Variants in KMT2C observed in about 807,000 individuals in gnomAD.
The protein encoded by KMT2C is lysine methyltransferase 2C, also known as histone-lysine N-methyltransferase 2C.
A neutral mutation model predicts 507.9 loss-of-function variants in KMT2C; 88 were observed. That is an observed-to-expected ratio of 0.17 (90% confidence interval 0.15 to 0.21). KMT2C has a LOEUF of 0.21. KMT2C is among the 10% of genes least tolerant of loss of function. The pLI, the probability that KMT2C is intolerant of heterozygous loss-of-function variation, is 1.00. For synonymous variants in KMT2C, 2,049 were observed against 2,080.8 expected (o/e 0.98, Z 0.42); for missense variants, 4,954 against 5,957.8 (o/e 0.83, Z 5.55).
At chr7:152,329,626 G>C (rs2096861441) in intron 3 of KMT2C, among the ~76,000 whole-genome samples, 1 of 146,790 alleles carries the variant, frequency 6.8e-6, no homozygotes, top group African/African-American at 2.5e-5. Context: ...AAAGGAAGTA[G>C]AAGGGAAACG....
rs78116609 is a variant in KMT2C at position 152,177,073 on chromosome 7, G to A, written c.8380C>T (p.Pro2794Ser). The change falls in exon 38 of 59, where the codon CCA becomes TCA. Residue 2794 changes from proline to serine, a missense_variant. Pro to Ser is a moderately conservative substitution (Grantham distance 74, BLOSUM62 -1). Transcript: ENST00000262189. Reference sequence around the variant, plus strand: ...TTGTTTTCTTGTTCCTTTTTTTTTGGTTCAACAGATACACACTGATTATCT... The same window carrying A: ...TTGTTTTCTTGTTCCTTTTTTTTTGATTCAACAGATACACACTGATTATCT... ...KLDNQCVSVEPKKKEQENKTL... is the reference protein window; with the variant it reads ...KLDNQCVSVESKKKEQENKTL... The A allele has an allele frequency of 1.1e-5, 18 of 1,609,594 alleles. No homozygotes were observed. The highest frequency in any genetic ancestry group is 1.7e-5 in the Admixed American group (1 of 59,348).
intron 31 of KMT2C, among the ~76,000 whole-genome samples, chr7:152,190,407 G>C (rs904080848): frequency 2.8e-4 from 42 of 152,152 alleles, no homozygotes; most frequent in African/African-American, 8.7e-4. Flanking sequence ...GCTATTATTT[G>C]TTAAGTACTT....
chr7:152,431,865 T>C (rs543347000), intron 1 of KMT2C, among the ~76,000 whole-genome samples: 1 of 152,344 alleles, frequency 6.6e-6, no homozygotes, highest in African/African-American at 2.4e-5. Context: ...ATAATAGTGC[T>C]GTCTCTCAAC....
chr7:152,171,841 AATTTTCATAC>A (rs1402564664), intron 39 of KMT2C, among the ~76,000 whole-genome samples: 4 of 152,242 alleles, frequency 2.6e-5, no homozygotes, highest in Admixed American at 6.5e-5. Flanking sequence ...CCAATTTAAG[AATTTTCATAC>A]ATTTTCATAC....
At chr7:152,345,019 C>T (rs1486050788) in intron 2 of KMT2C, among the ~76,000 whole-genome samples, 1 of 151,372 alleles carries the variant, frequency 6.6e-6, no homozygotes, top group Admixed American at 6.6e-5. Flanking sequence ...TAAAATGAAA[C>T]CACAAAAAGC....
chr7:152,278,885 A>C (rs2096143865), intron 6 of KMT2C, among the ~76,000 whole-genome samples: 1 of 152,428 alleles, frequency 6.6e-6, no homozygotes, highest in Middle Eastern at 3.4e-3. Context: ...ATTAGACTTT[A>C]ACATAGCTCT....
chr7:152,232,892 C>T (rs1430050500), intron 16 of KMT2C, among the ~76,000 whole-genome samples: 2 of 152,212 alleles, frequency 1.3e-5, no homozygotes, highest in East Asian at 3.9e-4. Flanking sequence ...GATAAAGTAT[C>T]TATTTCTACC....
At chr7:152,142,482 A>T (rs950862510) in intron 55 of KMT2C, among the ~76,000 whole-genome samples, 1 of 152,268 alleles carries the variant, frequency 6.6e-6, no homozygotes, top group Non-Finnish European at 1.5e-5. Flanking sequence ...AAACAGTCTC[A>T]CATGCTGCAG....
intron 2 of KMT2C, among the ~76,000 whole-genome samples, chr7:152,349,626 T>TAGCAAGGAGGGAGGG (rs1452348325): frequency 1.3e-5 from 2 of 151,948 alleles, no homozygotes; most frequent in African/African-American, 4.8e-5. Context: ...TGCCATAGGT[T>TAGCAAGGAGGGAGGG]AGCAAGGAGG....
intron 3 of KMT2C, among the ~76,000 whole-genome samples, chr7:152,318,854 A>C (rs2096746095): frequency 6.6e-6 from 1 of 152,196 alleles, no homozygotes; most frequent in South Asian, 2.1e-4. Context: ...CACTAACAAA[A>C]TGATGAATAG....
intron 1 of KMT2C, among the ~76,000 whole-genome samples, chr7:152,401,268 C>T (rs181712161): frequency 2.8e-4 from 42 of 152,022 alleles, no homozygotes; most frequent in African/African-American, 8.4e-4. Context: ...TTAGTAGAGA[C>T]GGGGTTTCAC....
intron 2 of KMT2C, among the ~76,000 whole-genome samples, chr7:152,346,238 A>G (rs1563938534): frequency 1.3e-5 from 2 of 152,238 alleles, no homozygotes; most frequent in South Asian, 4.1e-4. Context: ...ATCAACTGGA[A>G]ATAACTGACA....
intron 18 of KMT2C, among the ~76,000 whole-genome samples, chr7:152,226,441 C>G (rs1239629398): frequency 6.6e-6 from 1 of 151,930 alleles, no homozygotes; most frequent in East Asian, 1.9e-4. Flanking sequence ...CTGTGTTGGC[C>G]AGACTGGCTT....
chr7:152,395,808 T>C (rs1209012040), intron 1 of KMT2C, among the ~76,000 whole-genome samples: 1 of 152,206 alleles, frequency 6.6e-6, no homozygotes, highest in Non-Finnish European at 1.5e-5. Context: ...ACCTAAATAT[T>C]AATATATATA....
chr7:152,228,224 C>T (rs1019218312), intron 18 of KMT2C, among the ~76,000 whole-genome samples: 1 of 152,000 alleles, frequency 6.6e-6, no homozygotes, highest in African/African-American at 2.4e-5. Flanking sequence ...AGTTAAAATC[C>T]TCATAAACAA....
At chr7:152,394,907 C>T (rs1299424317) in intron 1 of KMT2C, among the ~76,000 whole-genome samples, 1 of 152,180 alleles carries the variant, frequency 6.6e-6, no homozygotes, top group Non-Finnish European at 1.5e-5. Context: ...CACTGAATTA[C>T]ACCTGGACTT....
chr7:152,406,722 C>T (rs1589788806), intron 1 of KMT2C, among the ~76,000 whole-genome samples: 9 of 151,164 alleles, frequency 6.0e-5, no homozygotes, highest in African/African-American at 2.2e-4. Flanking sequence ...TGATGTTGCC[C>T]AGGCTGGGCT....
intron 6 of KMT2C, among the ~76,000 whole-genome samples, chr7:152,274,858 T>C (rs1422153094): frequency 6.6e-6 from 1 of 152,226 alleles, no homozygotes; most frequent in African/African-American, 2.4e-5. Context: ...TATCTTTGTA[T>C]CCAAAGCACC....
At chr7:152,434,921 C>T (rs1294858606) in intron 1 of KMT2C, among the ~76,000 whole-genome samples, 1 of 152,138 alleles carries the variant, frequency 6.6e-6, no homozygotes, top group African/African-American at 2.4e-5. Flanking sequence ...GGGACGCTGG[C>T]TACGTCTCCA....
Sources: allele counts gnomAD v4.1 joint callset (sites outside exome capture counted in the v4.1 genomes callset), GRCh38; gene constraint gnomAD v4.1.1; transcripts MANE v1.5; gene names NCBI Gene and HGNC (gene_info 2026-07-23, HGNC 2026-07-21).